The following CCDC38 variants were observed in gnomAD, a reference collection of about 807,000 sequenced individuals.
The protein encoded by CCDC38 is coiled-coil domain-containing protein 38.
CCDC38 carries 69 observed loss-of-function variants against 72.8 expected under a neutral mutation model. The ratio of observed to expected loss-of-function variants is 0.95; its 90% CI spans 0.78 to 1.16. The LOEUF (loss-of-function observed/expected upper bound fraction) is 1.16, where lower values mean the gene tolerates loss of function less well. Among genes scored for constraint, CCDC38 ranks in the 50% most tolerant of loss-of-function variants. The pLI, the probability that CCDC38 is intolerant of heterozygous loss-of-function variation, is 0.00. For missense variants in CCDC38, 626 were observed against 638.9 expected (o/e 0.98, Z 0.22); for synonymous variants, 201 against 213.2 (o/e 0.94, Z 0.50).
intron 2 of CCDC38, 41 bp from the exon 3 acceptor site, chr12:95,919,017 C>G (rs779192427): frequency 1.0e-5 from 13 of 1,248,808 alleles, no homozygotes; most frequent in Non-Finnish European, 1.5e-5. Context: ...TTCTGTCATC[C>G]TTCCTCTGCT....
At chr12:95,875,931 G>A (rs577143011) in intron 13 of CCDC38, among the ~76,000 whole-genome samples, 2 of 152,246 alleles carry the variant, frequency 1.3e-5, no homozygotes, top group South Asian at 4.1e-4. Flanking sequence ...TGGATGAAAG[G>A]GGCTTGGTTG....
At chr12:95,934,449 T>A (rs1351315255) in intron 2 of CCDC38, 1 of 152,108 alleles carries the variant, frequency 6.6e-6, no homozygotes, top group East Asian at 1.9e-4. Context: ...AGTAATAAAG[T>A]CGTTTGTCTC....
intron 8 of CCDC38, among the ~76,000 whole-genome samples, chr12:95,892,075 A>G (rs1433133623): frequency 8.4e-6 from 1 of 119,272 alleles, no homozygotes; most frequent in African/African-American, 3.4e-5. Flanking sequence ...CCAAGGGATC[A>G]CTCTGCTTTT....
chr12:95,919,119 G>T, intron 2 of CCDC38, 143 bp from the exon 3 acceptor site: 1 of 598,668 alleles, frequency 1.7e-6, no homozygotes, highest in South Asian at 2.1e-5. Context: ...AACTTTGGCC[G>T]AATTAAATTT....
chr12:95,875,288 C>T (rs189492402), intron 13 of CCDC38, among the ~76,000 whole-genome samples: 116 of 152,142 alleles, frequency 7.6e-4, no homozygotes, highest in East Asian at 1.4e-3. Context: ...GGGTAGCACA[C>T]GGGTGTGTTT....
intron 8 of CCDC38, among the ~76,000 whole-genome samples, 189 bp from the exon 9 acceptor site, chr12:95,891,119 G>A (rs1330446445): frequency 6.6e-6 from 1 of 152,194 alleles, no homozygotes; most frequent in Non-Finnish European, 1.5e-5. Flanking sequence ...AACATAATAT[G>A]CAGATGGTAA....
Position 95,879,158 on chromosome 12 carries a change from A to G in CCDC38, c.1142+486T>C, listed in dbSNP as rs2079670219. Among the ~76,000 whole-genome samples, 1 of 152,226 alleles carries G rather than the reference A, an allele frequency of 6.6e-6. No individual in the cohort carries two copies. The highest frequency in any genetic ancestry group is 1.5e-5 in the Non-Finnish European group (1 of 68,044). On this transcript the variant is annotated intron_variant, in intron 12 of 15. Coordinates refer to ENST00000344280, the MANE Select transcript of CCDC38 (RefSeq NM_182496.3). The surrounding 1 kb of genome is among the most constrained non-coding windows in gnomAD (Gnocchi z 5.5). ...TCAAATCCAGCTGCTTTCCCCTGACAGAAATCCTTTCTATATTCGCCCTGA... is the reference window on the plus strand; with the variant it reads ...TCAAATCCAGCTGCTTTCCCCTGACGGAAATCCTTTCTATATTCGCCCTGA...
intron 7 of CCDC38, among the ~76,000 whole-genome samples, chr12:95,897,328 G>T (rs2079900217): frequency 6.6e-6 from 1 of 152,094 alleles, no homozygotes; most frequent in Non-Finnish European, 1.5e-5. Flanking sequence ...AATTAGTTAG[G>T]CCGGGCGCGG....
intron 4 of CCDC38, among the ~76,000 whole-genome samples, chr12:95,908,937 C>T (rs951683606): frequency 1.3e-4 from 19 of 151,984 alleles, no homozygotes; most frequent in Non-Finnish European, 2.4e-4. Context: ...TATACATATG[C>T]TACATTTCAA....
At chr12:95,928,816 C>T (rs2136735582) in intron 2 of CCDC38, among the ~76,000 whole-genome samples, 1 of 152,262 alleles carries the variant, frequency 6.6e-6, no homozygotes, top group Admixed American at 6.5e-5. Flanking sequence ...TGTCAGTGTG[C>T]CCCTGCTAGG....
intron 8 of CCDC38, 38 bp downstream of exon 8, chr12:95,894,951 G>T (rs376233566): frequency 1.5e-5 from 22 of 1,492,428 alleles, no homozygotes; most frequent in African/African-American, 2.8e-5. Context: ...TAGAGTTAGG[G>T]ATATTTAGTT....
chr12:95,873,746 T>G (rs2121414601), intron 13 of CCDC38, among the ~76,000 whole-genome samples: 1 of 152,276 alleles, frequency 6.6e-6, no homozygotes, highest in East Asian at 1.9e-4. Flanking sequence ...GAGAGGTGGC[T>G]CCTGGAGCCA....
intron 11 of CCDC38, among the ~76,000 whole-genome samples, chr12:95,880,338 T>G (rs2079685902): frequency 6.6e-6 from 1 of 152,172 alleles, no homozygotes. Context: ...ATACACATAC[T>G]ATGGAATATT....
chr12:95,937,989 C>T (rs886094302), intron 1 of CCDC38, among the ~76,000 whole-genome samples: 2 of 152,112 alleles, frequency 1.3e-5, no homozygotes, highest in Admixed American at 6.6e-5. Context: ...ATTCAGTGGG[C>T]AATGGATTTA....
chr12:95,912,097 A>C lies in CCDC38; in HGVS notation c.304+5032T>G, dbSNP rs532299289. On this transcript the variant is annotated intron_variant, in intron 4 of 15. Transcript: ENST00000344280. Reference sequence around the variant, plus strand: ...GATAGAGCTGGAAGTCATTCTCCTAAGTGAATTAACACAGAAACAGAAAAG... The same window carrying C: ...GATAGAGCTGGAAGTCATTCTCCTACGTGAATTAACACAGAAACAGAAAAG... Among the ~76,000 whole-genome samples the C allele has an allele frequency of 2.4e-4, 37 of 152,350 alleles. 1 individual carries two copies. In the East Asian group the frequency reaches 6.4e-3, roughly 26 times the overall value.
rs767264451 is a variant in CCDC38 at position 95,878,343 on chromosome 12, A to G, written c.1146T>C (p.Asn382=). The part of the protein sequence containing the change: ...KREKVIQDKT[N]SNIEFLLEQE... Reference sequence around the variant, plus strand: ...GCTCCAAAAGAAACTCTATGTTGCTATTTCTATTACAAAAGAAGAAAGAGA... The same window carrying G: ...GCTCCAAAAGAAACTCTATGTTGCTGTTTCTATTACAAAAGAAGAAAGAGA... The change falls in exon 13 of 16, where the codon AAT becomes AAC. Residue 382 remains asparagine (N), a synonymous_variant. Transcript: ENST00000344280. 5.6e-6 allele frequency: 9 copies of G among 1,609,224 alleles called. No homozygotes were observed. The highest frequency in any genetic ancestry group is 1.3e-5 in the African/African-American group (1 of 74,466).
chr12:95,924,475 C>T (rs1330878977), intron 2 of CCDC38, among the ~76,000 whole-genome samples: 5 of 142,010 alleles, frequency 3.5e-5, no homozygotes, highest in Non-Finnish European at 6.1e-5. Flanking sequence ...AAAATTTTCT[C>T]CCATTTTGTA....
At chr12:95,916,417 C>CTTCCTTCCTTCCTTCCTTCCT (rs1264254817) in intron 4 of CCDC38, among the ~76,000 whole-genome samples, 6 of 145,450 alleles carry the variant, frequency 4.1e-5, no homozygotes, top group African/African-American at 1.5e-4. Flanking sequence ...TCCTTCCTTC[C>CTTCCTTCCTTCCTTCCTTCCT]TTTTTTCCCT....
intron 1 of CCDC38, among the ~76,000 whole-genome samples, chr12:95,937,158 T>C (rs369627660): frequency 2.0e-5 from 3 of 152,320 alleles, no homozygotes; most frequent in Non-Finnish European, 4.4e-5. Flanking sequence ...TCCAAATAAA[T>C]GCAGGAAATT....
Sources: allele counts gnomAD v4.1 joint callset (sites outside exome capture counted in the v4.1 genomes callset), GRCh38; gene constraint gnomAD v4.1.1; non-coding constraint Gnocchi (gnomAD v3.1); transcripts MANE v1.5; gene names NCBI Gene and HGNC (gene_info 2026-07-23, HGNC 2026-07-21).